The following CCDC60 variants were observed in gnomAD, a reference collection of about 807,000 sequenced individuals.
The protein encoded by CCDC60 is coiled-coil domain-containing protein 60.
Under a neutral mutation model 63.5 loss-of-function variants are expected in CCDC60, and 54 were observed. That is an observed-to-expected ratio of 0.85 (90% CI 0.68 to 1.07). The LOEUF is 1.07. CCDC60 is among the 50% of genes least tolerant of loss of function. CCDC60 has a pLI of 0.00. For synonymous variants in CCDC60, 206 were observed against 238.8 expected (o/e 0.86, Z 1.27); for missense variants, 651 against 684.3 (o/e 0.95, Z 0.54).
chr12:119,393,821 A>G (rs1006158162), intron 1 of CCDC60, among the ~76,000 whole-genome samples: 4 of 152,234 alleles, frequency 2.6e-5, no homozygotes, highest in South Asian at 4.1e-4. Context: ...ATAAGGATTC[A>G]TTTAATAAAT....
intron 7 of CCDC60, among the ~76,000 whole-genome samples, chr12:119,508,685 G>GC (rs1952125127): frequency 6.6e-6 from 1 of 152,202 alleles, no homozygotes; most frequent in African/African-American, 2.4e-5. Flanking sequence ...AGGGGCCAGA[G>GC]CACGCAGGGC....
At chr12:119,433,710 A>C (rs1477233777) in intron 2 of CCDC60, 22 of 641,098 alleles carry the variant, frequency 3.4e-5, no homozygotes, top group Non-Finnish European at 5.6e-5. Flanking sequence ...ACCTTGAGCC[A>C]AACTATTTTA....
chr12:119,519,521 G>A (rs1011939342), intron 8 of CCDC60, among the ~76,000 whole-genome samples: 2 of 148,446 alleles, frequency 1.3e-5, no homozygotes, highest in Non-Finnish European at 1.5e-5. Context: ...GGAGTGCAGT[G>A]GTGCGATCTC....
chr12:119,358,422 G>C (rs1442260767), intron 1 of CCDC60, among the ~76,000 whole-genome samples: 1 of 152,058 alleles, frequency 6.6e-6, no homozygotes, highest in Non-Finnish European at 1.5e-5. Context: ...CAGCAAGAAG[G>C]TTCCCACAAG....
intron 3 of CCDC60, 84 bp downstream of exon 3, chr12:119,472,248 G>A: frequency 2.2e-6 from 3 of 1,339,490 alleles, no homozygotes; most frequent in South Asian, 2.6e-5. Flanking sequence ...TCAAGCGAGG[G>A]CAGCTATCTC....
At chr12:119,367,535 A>G (rs932227497) in intron 1 of CCDC60, among the ~76,000 whole-genome samples, 9 of 152,214 alleles carry the variant, frequency 5.9e-5, no homozygotes, top group Non-Finnish European at 1.2e-4. Flanking sequence ...TGCCTGAGTT[A>G]TGGAGGTCTG....
At chr12:119,361,398 A>G (rs960107968) in intron 1 of CCDC60, among the ~76,000 whole-genome samples, 3 of 152,128 alleles carry the variant, frequency 2.0e-5, no homozygotes, top group Non-Finnish European at 4.4e-5. Flanking sequence ...ATCTGCCTAT[A>G]TTCATTGTCT....
intron 1 of CCDC60, among the ~76,000 whole-genome samples, chr12:119,360,171 C>CCG (rs1955763102): frequency 6.6e-6 from 1 of 150,708 alleles, no homozygotes; most frequent in African/African-American, 2.4e-5. Flanking sequence ...GGCTGACCCC[C>CCG]CCCCACCTCC....
At chr12:119,505,421 G>T in intron 7 of CCDC60, 118 bp downstream of exon 7, 2 of 655,638 alleles carry the variant, frequency 3.1e-6, no homozygotes, top group Non-Finnish European at 5.3e-6. Context: ...ATGGGATCCC[G>T]CATCCTTGTT....
At chr12:119,403,663 G>T (rs939940615) in intron 1 of CCDC60, among the ~76,000 whole-genome samples, 1 of 151,766 alleles carries the variant, frequency 6.6e-6, no homozygotes, top group Non-Finnish European at 1.5e-5. Flanking sequence ...ATCATGACTG[G>T]CCCTTTCTAC....
intron 2 of CCDC60, among the ~76,000 whole-genome samples, chr12:119,467,469 TA>T (rs1208718083): frequency 6.6e-6 from 1 of 152,180 alleles, no homozygotes; most frequent in African/African-American, 2.4e-5. Flanking sequence ...AGTGCCCCTA[TA>T]AAAGAGACTC....
intron 7 of CCDC60, among the ~76,000 whole-genome samples, chr12:119,513,633 A>G (rs563997870): frequency 6.6e-6 from 1 of 152,350 alleles, no homozygotes; most frequent in East Asian, 1.9e-4. Context: ...CACGTGTCAC[A>G]TAACAATGTT....
Position 119,410,568 on chromosome 12 carries a change from ACACACACACACAGG to A in CCDC60, c.91-18102_91-18089del, listed in dbSNP as rs1956578456. Among the ~76,000 whole-genome samples the A allele has an allele frequency of 6.6e-6, 1 of 150,854 alleles. No homozygotes were observed. The highest frequency in any genetic ancestry group is 6.6e-5 in the Admixed American group (1 of 15,148). ...AACCTTCATCACCACACCCCAATAC[ACACACACACACAGG>A]CACACACACACATCCCATACTCTGC... On this transcript the variant is annotated intron_variant, in intron 1 of 13. Coordinates refer to ENST00000327554, the MANE Select transcript of CCDC60 (RefSeq NM_178499.5). The surrounding 1 kb of genome is among the most constrained non-coding windows in gnomAD (Gnocchi z 4.0).
chr12:119,363,308 C>T (rs1190037905), intron 1 of CCDC60, among the ~76,000 whole-genome samples: 5 of 152,026 alleles, frequency 3.3e-5, no homozygotes, highest in South Asian at 2.1e-4. Context: ...CATGTTGTTA[C>T]GGATCATTTG....
chr12:119,450,562 G>A (rs1229636506), intron 2 of CCDC60, among the ~76,000 whole-genome samples: 1 of 152,070 alleles, frequency 6.6e-6, no homozygotes. Flanking sequence ...GCATCAAGAG[G>A]TTAAAGACAT....
intron 2 of CCDC60, among the ~76,000 whole-genome samples, chr12:119,465,933 C>T (rs1022001213): frequency 3.3e-5 from 5 of 152,154 alleles, no homozygotes; most frequent in African/African-American, 4.8e-5. Flanking sequence ...ATTTCTAAAA[C>T]GTGCAAAGCC....
chr12:119,471,336 G>A (rs1424803176), intron 2 of CCDC60, among the ~76,000 whole-genome samples: 1 of 152,208 alleles, frequency 6.6e-6, no homozygotes, highest in Non-Finnish European at 1.5e-5. Context: ...TGAGCATTTA[G>A]GCAAATCAAA....
chr12:119,534,054 T>C (rs1341814263), intron 13 of CCDC60, among the ~76,000 whole-genome samples: 6 of 152,240 alleles, frequency 3.9e-5, no homozygotes, highest in African/African-American at 1.4e-4. Context: ...TCCATGAGCA[T>C]GGAATATTTT....
chr12:119,523,727 A>T lies in CCDC60; in HGVS notation c.1138A>T (p.Ser380Cys), dbSNP rs1338224118. Residue 380 changes from serine (S) to cysteine (C), a missense_variant, in exon 11 of 14, where the codon AGT becomes TGT. By Grantham distance (112) the Ser-to-Cys change is moderately radical (BLOSUM62 -1). Coordinates refer to ENST00000327554, the MANE Select transcript of CCDC60 (RefSeq NM_178499.5). ...TNCDINIHYK[S>C]GVCNTMRAKF... Reference sequence around the variant, plus strand: ...TTGTGACATCAACATCCACTACAAGAGTGGGGTGTGTAACACCATGAGGGC... The same window carrying T: ...TTGTGACATCAACATCCACTACAAGTGTGGGGTGTGTAACACCATGAGGGC... 2 of 1,614,148 alleles carry T rather than the reference A, an allele frequency of 1.2e-6. No homozygotes were observed. The highest frequency in any genetic ancestry group is 1.1e-5 in the South Asian group (1 of 91,078).
Sources: gnomAD v4.1 joint callset for allele counts (sites outside exome capture counted in the v4.1 genomes callset) on GRCh38, gnomAD v4.1.1 for gene constraint, Gnocchi (gnomAD v3.1) non-coding constraint, MANE v1.5 for transcripts, NCBI Gene and HGNC (gene_info 2026-07-23, HGNC 2026-07-21) for gene names.